The following RBMS1 variants were observed in gnomAD, a reference collection of about 807,000 sequenced individuals.
RBMS1 encodes RNA-binding motif, single-stranded-interacting protein 1.
A neutral mutation model predicts 62.3 loss-of-function variants in RBMS1; 17 were observed. That is an observed-to-expected ratio of 0.27 (90% CI 0.19 to 0.41). RBMS1 has a LOEUF of 0.41. Ranked by LOEUF, RBMS1 falls within the 10% of genes least tolerant of loss-of-function variation. The pLI is 1.00. For synonymous variants in RBMS1, 172 were observed against 170.0 expected (o/e 1.01, Z -0.09); for missense variants, 334 against 504.5 (o/e 0.66, Z 3.24).
At chr2:160,401,357 T>A (rs1401562120) in intron 1 of RBMS1, among the ~76,000 whole-genome samples, 1 of 152,212 alleles carries the variant, frequency 6.6e-6, no homozygotes, top group African/African-American at 2.4e-5. Flanking sequence ...TTATATTAAG[T>A]GTTAAGTCCC....
At chr2:160,408,059 G>A (rs1695860035) in intron 1 of RBMS1, among the ~76,000 whole-genome samples, 1 of 149,600 alleles carries the variant, frequency 6.7e-6, no homozygotes, top group East Asian at 2.0e-4. Context: ...CGGGGCCGGA[G>A]CCGGGGCCGG....
At chr2:160,277,257 T>G in intron 12 of RBMS1, 46 bp downstream of exon 12, 3 of 1,467,936 alleles carry the variant, frequency 2.0e-6, no homozygotes, top group African/African-American at 1.4e-5. Context: ...TACCCATTTC[T>G]GAAACTACTT....
At chr2:160,395,035 G>A (rs995726705) in intron 1 of RBMS1, among the ~76,000 whole-genome samples, 2 of 152,184 alleles carry the variant, frequency 1.3e-5, no homozygotes, top group African/African-American at 4.8e-5. Flanking sequence ...ACTGTTCCAA[G>A]AACACAATTA....
chr2:160,437,424 CCTCA>C (rs1392042183), intron 1 of RBMS1, among the ~76,000 whole-genome samples: 1 of 152,186 alleles, frequency 6.6e-6, no homozygotes, highest in Non-Finnish European at 1.5e-5. Flanking sequence ...CTACCTAATG[CCTCA>C]CTCAATTTCA....
intron 1 of RBMS1, among the ~76,000 whole-genome samples, chr2:160,423,006 A>T (rs922693630): frequency 2.6e-5 from 4 of 152,210 alleles, no homozygotes; most frequent in East Asian, 3.9e-4. Context: ...AAATTCTCTC[A>T]GTTATCTCTC....
At chr2:160,336,734 CT>C (rs1429041152) in intron 2 of RBMS1, among the ~76,000 whole-genome samples, 1 of 151,068 alleles carries the variant, frequency 6.6e-6, no homozygotes, top group Non-Finnish European at 1.5e-5. Context: ...GTATTTTATA[CT>C]GCCAGCGTAT....
In RBMS1 at chr2:160,450,752, A is replaced by C. The variant is rs148419041; in HGVS notation, c.75+42537T>G. On this transcript the variant is annotated intron_variant, in intron 1 of 13. Transcript: ENST00000348849. ...TCTATAATTAAACAGGAAGATAAAGATACAGACTGAAGTAGCTCCCAAGCC... is the reference window on the plus strand; with the variant it reads ...TCTATAATTAAACAGGAAGATAAAGCTACAGACTGAAGTAGCTCCCAAGCC... Among the ~76,000 whole-genome samples, 598 of 152,228 alleles carry C rather than the reference A, an allele frequency of 3.9e-3. 2 individuals carry two copies. Among genetic ancestry groups the C allele is most frequent in the African/African-American group, 0.014 (571 of 41,532 alleles).
chr2:160,485,652 T>C (rs1020078747), intron 1 of RBMS1, among the ~76,000 whole-genome samples: 29 of 151,958 alleles, frequency 1.9e-4, no homozygotes, highest in African/African-American at 6.8e-4. Context: ...ATACCCAATT[T>C]TTGAACAAAT....
At position 160,311,371 on chromosome 2, in the gene RBMS1, C is replaced by T. The variant is rs974889702; in HGVS notation, c.402+1785G>A. ...CAACGGCTACTTAGAAAGGTGATTCCTCTTACTAATTACTGAAATCTTTAT... is the reference window on the plus strand; with the variant it reads ...CAACGGCTACTTAGAAAGGTGATTCTTCTTACTAATTACTGAAATCTTTAT... On this transcript the variant is annotated intron_variant, in intron 4 of 13. Coordinates refer to ENST00000348849, the MANE Select transcript of RBMS1 (RefSeq NM_016836.4). 7.3e-5 allele frequency among the ~76,000 whole-genome samples: 11 copies of T among 151,458 alleles called. No homozygotes were observed. The South Asian group carries it at 2.3e-3, about 32-fold the overall frequency.
At chr2:160,486,963 C>A (rs1685625253) in intron 1 of RBMS1, among the ~76,000 whole-genome samples, 1 of 152,182 alleles carries the variant, frequency 6.6e-6, no homozygotes. Flanking sequence ...TTAAGGAGTA[C>A]ATTTCCAACC....
chr2:160,304,943 C>T (rs1689420321), intron 4 of RBMS1, among the ~76,000 whole-genome samples: 1 of 152,086 alleles, frequency 6.6e-6, no homozygotes, highest in African/African-American at 2.4e-5. Context: ...CAACTTCTGC[C>T]TCCCGGGTTC....
chr2:160,295,624 G>A (rs1688895537), intron 6 of RBMS1, among the ~76,000 whole-genome samples: 1 of 152,146 alleles, frequency 6.6e-6, no homozygotes, highest in Admixed American at 6.5e-5. Context: ...ATTTACATGT[G>A]GTTTGGAAAT....
intron 6 of RBMS1, among the ~76,000 whole-genome samples, chr2:160,292,563 A>C (rs531429146): frequency 1.8e-4 from 27 of 152,242 alleles, no homozygotes; most frequent in Non-Finnish European, 3.4e-4. Flanking sequence ...AGAATGAAGA[A>C]ATGTTGAAGT....
At chr2:160,330,615 T>A (rs1285105923) in intron 2 of RBMS1, among the ~76,000 whole-genome samples, 1 of 144,302 alleles carries the variant, frequency 6.9e-6, no homozygotes, top group East Asian at 1.9e-4. Context: ...CACATGAAAA[T>A]ATGTTTTTTT....
chr2:160,372,880 T>C (rs1693800710), intron 1 of RBMS1, among the ~76,000 whole-genome samples: 1 of 152,118 alleles, frequency 6.6e-6, no homozygotes, highest in South Asian at 2.1e-4. Context: ...GGCCAGGATG[T>C]TAAAAAACAC....
At chr2:160,401,183 A>G (rs909085840) in intron 1 of RBMS1, among the ~76,000 whole-genome samples, 2 of 152,166 alleles carry the variant, frequency 1.3e-5, no homozygotes, top group Non-Finnish European at 2.9e-5. Flanking sequence ...CATTTTTGAG[A>G]TTGTATTGCA....
chr2:160,471,421 A>T (rs1684905205), intron 1 of RBMS1, among the ~76,000 whole-genome samples: 1 of 151,962 alleles, frequency 6.6e-6, no homozygotes, highest in Non-Finnish European at 1.5e-5. Flanking sequence ...AAAAATATTA[A>T]TTTAAAGGAG....
At chr2:160,344,323 A>G (rs1198040576) in intron 2 of RBMS1, among the ~76,000 whole-genome samples, 1 of 152,170 alleles carries the variant, frequency 6.6e-6, no homozygotes, top group Non-Finnish European at 1.5e-5. Context: ...TTCCTCTAGA[A>G]GTTTTAACCA....
Position 160,326,677 on chromosome 2 carries a change from A to G in RBMS1, c.252-8450T>C, listed in dbSNP as rs370879140. 5.9e-5 allele frequency among the ~76,000 whole-genome samples: 9 copies of G among 152,220 alleles called. No homozygotes were observed. In the South Asian group the frequency reaches 1.9e-3, roughly 32 times the overall value. ...TCCAGGATTAGCAGAGAGAGATGCCACATTTTATTTATTTTCTTGCTTTTT... is the reference window on the plus strand; with the variant it reads ...TCCAGGATTAGCAGAGAGAGATGCCGCATTTTATTTATTTTCTTGCTTTTT... On this transcript the variant is annotated intron_variant, in intron 2 of 13. Transcript: ENST00000348849.
Sources: gnomAD v4.1 joint callset for allele counts (sites outside exome capture counted in the v4.1 genomes callset) on GRCh38, gnomAD v4.1.1 for gene constraint, MANE v1.5 for transcripts, NCBI Gene and HGNC (gene_info 2026-07-23, HGNC 2026-07-21) for gene names.